The following CEP85L variants were observed in gnomAD, a reference collection of about 807,000 sequenced individuals.
CEP85L encodes centrosomal protein of 85 kDa-like.
In CEP85L, 60 loss-of-function variants were observed where a neutral mutation model predicts 100.3. The observed-to-expected ratio is 0.60, with a 90% CI of 0.49 to 0.74. The LOEUF is 0.74. Ranked by LOEUF, CEP85L falls within the 30% of genes least tolerant of loss-of-function variation. The pLI, the probability that CEP85L is intolerant of heterozygous loss-of-function variation, is 0.00. For missense variants in CEP85L, 973 were observed against 936.2 expected (o/e 1.04, Z -0.51); for synonymous variants, 319 against 322.7 (o/e 0.99, Z 0.12).
intron 1 of CEP85L, among the ~76,000 whole-genome samples, chr6:118,701,379 T>C (rs1777400171): frequency 6.6e-6 from 1 of 152,186 alleles, no homozygotes; most frequent in Non-Finnish European, 1.5e-5. Context: ...AACCTAGATG[T>C]CCATTAACAG....
At chr6:118,557,924 A>G (rs1433910426) in intron 3 of CEP85L, among the ~76,000 whole-genome samples, 1 of 150,564 alleles carries the variant, frequency 6.6e-6, no homozygotes, top group Non-Finnish European at 1.5e-5. Flanking sequence ...AACCACTGTT[A>G]CTCACTGATT....
rs1201375106 is a variant in CEP85L at position 118,462,711 on chromosome 6, A to G, written c.*2694T>C. 1 of 151,998 alleles carries G rather than the reference A, an allele frequency of 6.6e-6. No homozygotes were observed. Among genetic ancestry groups the G allele is most frequent in the African/African-American group, 2.4e-5 (1 of 41,440 alleles). The allele number at this position is 151,998 out of a possible 1,614,324, so 9.4% of individuals were successfully genotyped here. On this transcript the variant is annotated 3_prime_UTR_variant, in exon 13 of 13. Transcript: ENST00000368491. ...CGAACATCCTAGTTCAAACTGGGTGAGATGCTCTAGTGTTGCTATTTGCCC... is the reference window on the plus strand; with the variant it reads ...CGAACATCCTAGTTCAAACTGGGTGGGATGCTCTAGTGTTGCTATTTGCCC...
chr6:118,664,860 T>TA (rs1426239957), intron 1 of CEP85L, among the ~76,000 whole-genome samples: 2 of 152,204 alleles, frequency 1.3e-5, no homozygotes, highest in Non-Finnish European at 2.9e-5. Context: ...GGATTACAGG[T>TA]AAAATAACTG....
At chr6:118,677,184 AT>A (rs1210809766) in intron 1 of CEP85L, among the ~76,000 whole-genome samples, 2 of 152,224 alleles carry the variant, frequency 1.3e-5, no homozygotes, top group Admixed American at 1.3e-4. Context: ...CTTAAAAAAA[AT>A]GAAAGGAAAA....
intron 2 of CEP85L, among the ~76,000 whole-genome samples, chr6:118,607,600 T>C (rs1159560210): frequency 6.6e-6 from 1 of 152,132 alleles, no homozygotes; most frequent in South Asian, 2.1e-4. Context: ...TCCTCCTAAG[T>C]TGGGCCTCTA....
chr6:118,528,949 T>A (rs1777127945), intron 3 of CEP85L, among the ~76,000 whole-genome samples: 1 of 152,210 alleles, frequency 6.6e-6, no homozygotes, highest in African/African-American at 2.4e-5. Context: ...TGAAAATGTA[T>A]TTTCATTATA....
chr6:118,543,378 T>C (rs1442552943), intron 3 of CEP85L, among the ~76,000 whole-genome samples: 1 of 152,098 alleles, frequency 6.6e-6, no homozygotes, highest in Non-Finnish European at 1.5e-5. Context: ...ATTCTAAATA[T>C]CCATTAAGTA....
chr6:118,493,453 T>G (rs186632944), intron 5 of CEP85L, among the ~76,000 whole-genome samples: 19 of 152,112 alleles, frequency 1.2e-4, no homozygotes, highest in African/African-American at 3.9e-4. Flanking sequence ...GACAAGAGAG[T>G]GCTAGAAGAA....
intron 1 of CEP85L, among the ~76,000 whole-genome samples, chr6:118,676,484 C>T (rs113417757): frequency 6.6e-6 from 1 of 152,162 alleles, no homozygotes; most frequent in African/African-American, 2.4e-5. Flanking sequence ...TAATGTCCTC[C>T]AGGTATAAAC....
At chr6:118,512,595 T>C (rs1456147335) in intron 4 of CEP85L, among the ~76,000 whole-genome samples, 1 of 152,032 alleles carries the variant, frequency 6.6e-6, no homozygotes, top group Non-Finnish European at 1.5e-5. Context: ...TGCTACTAAA[T>C]GTCTACAATG....
chr6:118,511,863 C>T (rs1170171128), intron 4 of CEP85L, among the ~76,000 whole-genome samples: 1 of 151,716 alleles, frequency 6.6e-6, no homozygotes, highest in Non-Finnish European at 1.5e-5. Context: ...CTAAAATTTG[C>T]TAACCTTTAA....
At chr6:118,707,923 A>G (rs558588980) in intron 1 of CEP85L, among the ~76,000 whole-genome samples, 4 of 149,704 alleles carry the variant, frequency 2.7e-5, no homozygotes, top group African/African-American at 9.9e-5. Context: ...CTAAAAGACC[A>G]ATACAACCTA....
At chr6:118,553,475 AGAT>A (rs1333048394) in intron 3 of CEP85L, among the ~76,000 whole-genome samples, 46 of 152,236 alleles carry the variant, frequency 3.0e-4, no homozygotes, top group African/African-American at 9.6e-4. Flanking sequence ...CACACATTTC[AGAT>A]GATAACTGTA....
intron 1 of CEP85L, among the ~76,000 whole-genome samples, chr6:118,641,207 C>T (rs1774848040): frequency 6.6e-6 from 1 of 152,202 alleles, no homozygotes; most frequent in Non-Finnish European, 1.5e-5. Flanking sequence ...CTCTTAATAT[C>T]TTACTAGCAT....
rs926934657 is a variant in CEP85L at position 118,560,306 on chromosome 6, G to A, written c.1020+5223C>T. 7.2e-5 allele frequency: 12 copies of A among 167,020 alleles called. No individual in the cohort carries two copies. In the South Asian group the frequency reaches 1.7e-3, roughly 23 times the overall value. The allele number at this position is 167,020 out of a possible 1,614,324, so 10.3% of individuals were successfully genotyped here. A position where few individuals can be genotyped will look rare whatever the true frequency, so the allele number is the denominator to read the frequency against. ...AACAGTAAATTAACACATATTTTGC[G>A]TGTTATATGTATTATACACTATATT... On this transcript the variant is annotated intron_variant, in intron 3 of 12. Transcript: ENST00000368491.
chr6:118,469,158 A>T lies in CEP85L; in HGVS notation c.2168T>A (p.Leu723Ter). 6.2e-7 allele frequency: 1 copy of T among 1,614,092 alleles called. No individual in the cohort carries two copies. The highest frequency in any genetic ancestry group is 8.5e-7 in the Non-Finnish European group (1 of 1,179,944). ...DQLFKEMSCC[L>*]FDLKALCSIL... ...ACTACACAATGCTTTCAAGTCAAAC[A>T]AACAACAGGACATTTCCTTGAACAG... The change falls in exon 12 of 13, where the codon TTG (leucine) becomes TAG (stop). Residue 723 changes from leucine to a stop codon, truncating the protein, a stop_gained. Coordinates refer to ENST00000368491, the MANE Select transcript of CEP85L (RefSeq NM_001042475.3). LOFTEE classifies it high-confidence loss of function.
rs397516784 is a variant in CEP85L, at chr6:118,558,956, TAAG to T, written c.1020+6570_1020+6572del. On this transcript the variant is annotated intron_variant, in intron 3 of 12. Coordinates refer to ENST00000368491, the MANE Select transcript of CEP85L (RefSeq NM_001042475.3). ...GTCCAATACCTCACTCGCTCAGCTATAAGAAGAGCCTCAACCATTGAAATGCCT... is the reference window on the plus strand; with the variant it reads ...GTCCAATACCTCACTCGCTCAGCTATAAGAGCCTCAACCATTGAAATGCCT... The T allele has an allele frequency of 6.2e-6, 10 of 1,613,470 alleles. No homozygotes were observed. Among genetic ancestry groups the T allele is most frequent in the East Asian group, 2.2e-5 (1 of 44,884 alleles).
intron 2 of CEP85L, among the ~76,000 whole-genome samples, chr6:118,590,044 T>TAC (rs58587419): frequency 0.011 from 1,728 of 150,292 alleles, 16 homozygotes; most frequent in African/African-American, 0.022. Flanking sequence ...TCTCTGCATT[T>TAC]ACACACACAC....
At chr6:118,527,733 T>C (rs1032154586) in intron 3 of CEP85L, among the ~76,000 whole-genome samples, 1 of 152,184 alleles carries the variant, frequency 6.6e-6, no homozygotes, top group African/African-American at 2.4e-5. Context: ...TAAAATGATG[T>C]GGTGAATTAT....
Sources: allele counts gnomAD v4.1 joint callset (sites outside exome capture counted in the v4.1 genomes callset), GRCh38; gene constraint gnomAD v4.1.1; transcripts MANE v1.5; gene names NCBI Gene and HGNC (gene_info 2026-07-23, HGNC 2026-07-21).